The following CREB5 variants were observed in gnomAD, a reference collection of about 807,000 sequenced individuals.
CREB5 encodes cAMP responsive element binding protein 5.
A neutral mutation model predicts 57.1 loss-of-function variants in CREB5; 19 were observed. The ratio of observed to expected loss-of-function variants is 0.33; its 90% CI spans 0.23 to 0.49. The LOEUF is 0.49. Ranked by LOEUF, CREB5 falls within the 20% of genes least tolerant of loss-of-function variation. The pLI is 0.99. For missense variants in CREB5, 579 were observed against 671.6 expected (o/e 0.86, Z 1.52); for synonymous variants, 238 against 238.3 (o/e 1.00, Z 0.01).
chr7:28,603,727 C>A (rs4397285), intron 5 of CREB5, among the ~76,000 whole-genome samples: 4 of 152,300 alleles, frequency 2.6e-5, no homozygotes, highest in African/African-American at 9.6e-5. Context: ...TATACCCCTA[C>A]GCTTTAGTTC....
intron 4 of CREB5, among the ~76,000 whole-genome samples, chr7:28,519,989 G>A (rs2128614945): frequency 6.6e-6 from 1 of 152,330 alleles, no homozygotes; most frequent in East Asian, 1.9e-4. Context: ...AAGGACATGT[G>A]TGTCTCTGAT....
chr7:28,644,792 A>C (rs1208582997), intron 5 of CREB5, among the ~76,000 whole-genome samples: 1 of 151,966 alleles, frequency 6.6e-6, no homozygotes, highest in Non-Finnish European at 1.5e-5. Context: ...AAGGTTTTTT[A>C]TTATTATTAT....
chr7:28,433,957 A>G (rs975686223), intron 1 of CREB5, among the ~76,000 whole-genome samples: 1 of 152,052 alleles, frequency 6.6e-6, no homozygotes, highest in African/African-American at 2.4e-5. Context: ...TTTAGATGGC[A>G]GCCTGCCAAG....
At chr7:28,332,284 C>T (rs1414134645) in intron 1 of CREB5, among the ~76,000 whole-genome samples, 2 of 152,096 alleles carry the variant, frequency 1.3e-5, no homozygotes, top group Non-Finnish European at 2.9e-5. Flanking sequence ...ACTCCAGAAC[C>T]GTGAGATAAT....
At chr7:28,560,855 T>TGTGTGTGC (rs1795108301) in intron 4 of CREB5, among the ~76,000 whole-genome samples, 2 of 56,430 alleles carry the variant, frequency 3.5e-5, no homozygotes, top group Admixed American at 1.9e-4. Context: ...CGCGTGTGTG[T>TGTGTGTGC]GTGCGTGTGC....
intron 1 of CREB5, among the ~76,000 whole-genome samples, chr7:28,413,843 T>C (rs949060370): frequency 1.3e-5 from 2 of 152,170 alleles, no homozygotes; most frequent in African/African-American, 4.8e-5. Flanking sequence ...TTTGTTACAA[T>C]GATTTGTCAG....
chr7:28,661,474 A>AG (rs1799610842), intron 5 of CREB5, among the ~76,000 whole-genome samples: 1 of 151,434 alleles, frequency 6.6e-6, no homozygotes, highest in African/African-American at 2.4e-5. Flanking sequence ...GTACATGTCA[A>AG]GGGGGGAAAC....
intron 4 of CREB5, among the ~76,000 whole-genome samples, chr7:28,531,024 T>C (rs924371564): frequency 3.9e-5 from 6 of 152,174 alleles, no homozygotes; most frequent in Non-Finnish European, 5.9e-5. Context: ...CTGGGGAATG[T>C]GCTTTTTGAA....
chr7:28,429,496 C>T (rs1011512999), intron 1 of CREB5, among the ~76,000 whole-genome samples: 3 of 152,158 alleles, frequency 2.0e-5, no homozygotes, highest in Non-Finnish European at 2.9e-5. Flanking sequence ...ACACTTGATG[C>T]GTCGCACCTC....
chr7:28,304,055 T>C (rs1767756250), intron 1 of CREB5, among the ~76,000 whole-genome samples: 1 of 152,186 alleles, frequency 6.6e-6, no homozygotes, highest in African/African-American at 2.4e-5. Context: ...AATGTATAAA[T>C]TAAACAGTGT....
rs375027230 is a variant in CREB5, at chr7:28,477,422, C to A, written c.4-10753C>A. On this transcript the variant is annotated intron_variant, in intron 1 of 10. Coordinates refer to ENST00000357727, the MANE Select transcript of CREB5 (RefSeq NM_182898.4). ...TTTTTCCTAGCATATGATCTACACT[C>A]CCCTGAGCAAAGAAACCACGTTCAT... Among the ~76,000 whole-genome samples the A allele has an allele frequency of 5.3e-5, 8 of 152,348 alleles. No homozygotes were observed. The East Asian group carries it at 1.3e-3, about 26-fold the overall frequency.
chr7:28,460,305 T>G (rs147277921), intron 1 of CREB5, among the ~76,000 whole-genome samples: 1 of 152,314 alleles, frequency 6.6e-6, no homozygotes, highest in African/African-American at 2.4e-5. Flanking sequence ...CCTATAAATA[T>G]AGACATACCA....
intron 3 of CREB5, among the ~76,000 whole-genome samples, chr7:28,505,968 TC>T (rs1792463950): frequency 6.6e-6 from 1 of 152,326 alleles, no homozygotes; most frequent in Non-Finnish European, 1.5e-5. Flanking sequence ...CTTTCACACA[TC>T]CCTTATCTGT....
chr7:28,776,154 G>A (rs1269679783), intron 7 of CREB5, among the ~76,000 whole-genome samples: 1 of 151,986 alleles, frequency 6.6e-6, no homozygotes, highest in African/African-American at 2.4e-5. Context: ...TGACTAACAT[G>A]GTGAAACCCC....
At chr7:28,658,425 A>T (rs960152239) in intron 5 of CREB5, among the ~76,000 whole-genome samples, 11 of 152,172 alleles carry the variant, frequency 7.2e-5, no homozygotes, top group Non-Finnish European at 1.6e-4. Flanking sequence ...ATCGACTCTT[A>T]TTTGGAGTTT....
chr7:28,305,254 C>G (rs1392927232), intron 1 of CREB5, among the ~76,000 whole-genome samples: 2 of 152,154 alleles, frequency 1.3e-5, no homozygotes, highest in East Asian at 3.8e-4. Context: ...AATTCTGAAT[C>G]CACACCTTGG....
At position 28,632,165 on chromosome 7, in the gene CREB5, A is replaced by G. The variant is rs146104520; in HGVS notation, c.464+61628A>G. Among the ~76,000 whole-genome samples the G allele has an allele frequency of 4.1e-3, 617 of 152,318 alleles. 4 individuals are homozygous for G. The highest frequency in any genetic ancestry group is 0.014 in the African/African-American group (597 of 41,576). ...GTGAAGTTTGTTCCATTTCCACAAG[A>G]TAACAGCCTTTATCCCCCTACACCA... is the stretch of plus-strand genomic sequence containing the variant. On this transcript the variant is annotated intron_variant, in intron 5 of 10. Transcript: ENST00000357727.
chr7:28,480,982 A>AG (rs1791299726), intron 1 of CREB5, among the ~76,000 whole-genome samples: 1 of 152,184 alleles, frequency 6.6e-6, no homozygotes, highest in Admixed American at 6.5e-5. Flanking sequence ...TTTAAAAAAA[A>AG]GAAAGAAAGA....
chr7:28,467,275 C>T (rs1790623289), intron 1 of CREB5, among the ~76,000 whole-genome samples: 1 of 152,172 alleles, frequency 6.6e-6, no homozygotes, highest in South Asian at 2.1e-4. Flanking sequence ...AAAGACTTGC[C>T]ATTCTCTCAG....
Sources: gnomAD v4.1 joint callset for allele counts (sites outside exome capture counted in the v4.1 genomes callset) on GRCh38, gnomAD v4.1.1 for gene constraint, MANE v1.5 for transcripts, NCBI Gene and HGNC (gene_info 2026-07-23, HGNC 2026-07-21) for gene names.